Variants in B3GALT1 observed in about 807,000 individuals in gnomAD.
B3GALT1 encodes UDP-Gal:betaGlcNAc beta 1,3-galactosyltransferase, polypeptide 1.
Under a neutral mutation model 23.2 loss-of-function variants are expected in B3GALT1, and 10 were observed. That is an observed-to-expected ratio of 0.43 (90% CI 0.27 to 0.73). The LOEUF (loss-of-function observed/expected upper bound fraction) is 0.73. Among genes scored for constraint, B3GALT1 ranks in the 30% least tolerant of loss-of-function variants. The pLI, the probability that B3GALT1 is intolerant of heterozygous loss-of-function variation, is 0.21. For synonymous variants in B3GALT1, 156 were observed against 141.5 expected, an observed-to-expected ratio of 1.10 and a Z score of -0.73; for missense variants, 299 against 405.4, an observed-to-expected ratio of 0.74 and a Z score of 2.25.
chr2:167,788,570 C>G, intron 3 of B3GALT1, among the ~76,000 whole-genome samples: 1 of 152,046 alleles, frequency 6.6e-6, no homozygotes, highest in Non-Finnish European at 1.5e-5. Context: ...AATGTCACTT[C>G]TGATCTGACA....
intron 3 of B3GALT1, among the ~76,000 whole-genome samples, chr2:167,788,752 A>G (rs1688383836): frequency 6.6e-6 from 1 of 152,142 alleles, no homozygotes; most frequent in Non-Finnish European, 1.5e-5. Context: ...TGGCTTTCCC[A>G]TAACTTGAAA....
At chr2:167,600,271 G>C (rs1214453893) in intron 2 of B3GALT1, among the ~76,000 whole-genome samples, 6 of 152,146 alleles carry the variant, frequency 3.9e-5, no homozygotes, top group Non-Finnish European at 5.9e-5. Context: ...AGGCCACCAT[G>C]TTATTGAGAA....
intron 3 of B3GALT1, among the ~76,000 whole-genome samples, chr2:167,662,889 G>A (rs1181753269): frequency 6.6e-6 from 1 of 151,824 alleles, no homozygotes; most frequent in Non-Finnish European, 1.5e-5. Flanking sequence ...AGATATATAT[G>A]CATATGACTG....
At chr2:167,844,587 G>T (rs2105404957) in intron 4 of B3GALT1, among the ~76,000 whole-genome samples, 1 of 152,356 alleles carries the variant, frequency 6.6e-6, no homozygotes, top group Admixed American at 6.5e-5. Context: ...CAGCAGAAAG[G>T]CCTTGGGAGC....
At chr2:167,430,546 A>G (rs750229697) in intron 1 of B3GALT1, among the ~76,000 whole-genome samples, 92 of 152,236 alleles carry the variant, frequency 6.0e-4, no homozygotes, top group Non-Finnish European at 1.0e-3. Context: ...GTAGCAGTGG[A>G]AGTGGTGAAA....
intron 2 of B3GALT1, among the ~76,000 whole-genome samples, chr2:167,568,510 C>T (rs1684220740): frequency 6.6e-6 from 1 of 152,062 alleles, no homozygotes; most frequent in African/African-American, 2.4e-5. Context: ...TTTTCATATG[C>T]TTAATTGCTC....
At chr2:167,867,380 G>A (rs12471704) in intron 4 of B3GALT1, among the ~76,000 whole-genome samples, 108,795 of 152,006 alleles carry the variant, frequency 0.72, 39,735 homozygotes, top group Non-Finnish European at 0.8. Flanking sequence ...ACAGGAGCCT[G>A]TATTTAGAAA....
Position 167,300,554 on chromosome 2 carries a change from G to C in B3GALT1, c.-511+7220G>C, listed in dbSNP as rs557715489. ...ACTTTCAAGTATTTAAAGGTATTAC[G>C]AGTGATGATTAACATGCAGACAAAC... On this transcript the variant is annotated intron_variant, in intron 1 of 4. Transcript: ENST00000392690. Among the ~76,000 whole-genome samples the C allele has an allele frequency of 2.0e-5, 3 of 152,270 alleles. No homozygotes were observed. The South Asian group carries it at 6.2e-4, about 32-fold the overall frequency.
chr2:167,845,579 G>A (rs1461886908), intron 4 of B3GALT1, among the ~76,000 whole-genome samples: 1 of 152,136 alleles, frequency 6.6e-6, no homozygotes, highest in African/African-American at 2.4e-5. Flanking sequence ...CATCCTGTGG[G>A]ACAAAAGAAT....
chr2:167,482,997 T>C (rs1328403436), intron 1 of B3GALT1, among the ~76,000 whole-genome samples: 1 of 152,130 alleles, frequency 6.6e-6, no homozygotes, highest in Non-Finnish European at 1.5e-5. Flanking sequence ...CTCATTAAAA[T>C]TTCTTGAGGC....
intron 1 of B3GALT1, among the ~76,000 whole-genome samples, chr2:167,369,333 A>G (rs1697643690): frequency 6.6e-6 from 1 of 152,154 alleles, no homozygotes; most frequent in Admixed American, 6.6e-5. Context: ...AGAATATTCC[A>G]TGATTTGAAC....
At chr2:167,556,169 T>C (rs1373296851) in intron 2 of B3GALT1, among the ~76,000 whole-genome samples, 4 of 152,066 alleles carry the variant, frequency 2.6e-5, no homozygotes, top group African/African-American at 4.8e-5. Flanking sequence ...GATCACTCTA[T>C]ATGGAAGGAT....
chr2:167,827,631 CTCAGAGTGCACTT>C (rs1689256977), intron 4 of B3GALT1, among the ~76,000 whole-genome samples: 1 of 152,208 alleles, frequency 6.6e-6, no homozygotes, highest in Non-Finnish European at 1.5e-5. Context: ...GTGGCTGCTG[CTCAGAGTGCACTT>C]TCTGATGGCG....
At position 167,573,444 on chromosome 2, in the gene B3GALT1, G is replaced by A. The variant is rs1684332307; in HGVS notation, c.-409-73465G>A. Among the ~76,000 whole-genome samples the A allele has an allele frequency of 2.6e-5, 4 of 151,822 alleles. No homozygotes were observed. In the South Asian group the frequency reaches 6.2e-4, roughly 24 times the overall value. On this transcript the variant is annotated intron_variant, in intron 2 of 4. Coordinates refer to ENST00000392690, the MANE Select transcript of B3GALT1 (RefSeq NM_020981.4). ...TCATTCCAGTGGTTATTGCTTGTCA[G>A]TATCAATTAATAGCTCAACGGAAAC... is the stretch of plus-strand genomic sequence containing the variant.
chr2:167,522,013 T>TATATATATATATATATACACATAC (rs1700197277), intron 2 of B3GALT1, among the ~76,000 whole-genome samples: 1 of 144,480 alleles, frequency 6.9e-6, no homozygotes, highest in Non-Finnish European at 1.5e-5. Context: ...TATACACATA[T>TATATATATATATATATACACATAC]ATATATAATT....
intron 4 of B3GALT1, among the ~76,000 whole-genome samples, chr2:167,855,319 G>C (rs1689980226): frequency 6.6e-6 from 1 of 152,166 alleles, no homozygotes; most frequent in African/African-American, 2.4e-5. Flanking sequence ...CAGTTTGATA[G>C]ACTTGTATTC....
chr2:167,843,894 T>C (rs1211229608), intron 4 of B3GALT1, among the ~76,000 whole-genome samples: 1 of 152,218 alleles, frequency 6.6e-6, no homozygotes, highest in African/African-American at 2.4e-5. Flanking sequence ...GCCTTTGTTC[T>C]CTGACACCAA....
chr2:167,814,368 C>T (rs550108646), intron 3 of B3GALT1, among the ~76,000 whole-genome samples: 3 of 152,254 alleles, frequency 2.0e-5, no homozygotes, highest in African/African-American at 7.2e-5. Flanking sequence ...TAGATTAATA[C>T]TTGGTAGAAC....
rs910454595 is a variant in B3GALT1, at chr2:167,469,825, C to A, written c.-510-20352C>A. On this transcript the variant is annotated intron_variant, in intron 1 of 4. Coordinates refer to ENST00000392690, the MANE Select transcript of B3GALT1 (RefSeq NM_020981.4). ...ACATACAATCATTACAAAATCATGA[C>A]AGATAAGAAAAAACTATGGTCAGCA... Among the ~76,000 whole-genome samples, 4 of 152,040 alleles carry A rather than the reference C, an allele frequency of 2.6e-5. No individual in the cohort carries two copies. The East Asian group carries it at 7.7e-4, about 29-fold the overall frequency.
Sources: allele counts gnomAD v4.1 joint callset (sites outside exome capture counted in the v4.1 genomes callset), GRCh38; gene constraint gnomAD v4.1.1; transcripts MANE v1.5; gene names NCBI Gene and HGNC (gene_info 2026-07-23, HGNC 2026-07-21).